The following MYH11 variants were observed in gnomAD, a reference collection of about 807,000 sequenced individuals.
MYH11 encodes the protein myosin-11.
Under a neutral mutation model 246.6 loss-of-function variants are expected in MYH11, and 80 were observed. That is an observed-to-expected ratio of 0.32 (90% confidence interval 0.27 to 0.39). The LOEUF (loss-of-function observed/expected upper bound fraction) is 0.39, where lower values mean the gene tolerates loss of function less well. MYH11 is among the 10% of genes least tolerant of loss of function. MYH11 has a pLI of 1.00. For synonymous variants in MYH11, 1,071 were observed against 1,015.5 expected (o/e 1.05, Z -1.04); for missense variants, 2,158 against 2,546.8 (o/e 0.85, Z 3.29).
At position 15,715,022 on chromosome 16, in the gene MYH11, C is replaced by G; in HGVS notation, c.5673G>C (p.Glu1891Asp). ...QLKRQLEEAE[E>D]ESQRINANRR... ...GGTTGGCGTTGATGCGCTGGGACTC[C>G]TCCTCTGCCTCCTCCAGCTGCCTCT... The change falls in exon 40 of 41, where the codon GAG (glutamate) becomes GAC (aspartate). Residue 1891 changes from glutamate (E) to aspartate (D), a missense_variant. Physicochemically the swap from Glu to Asp is conservative, Grantham distance 45. Coordinates refer to ENST00000300036, the MANE Select transcript of MYH11 (RefSeq NM_002474.3). 1 of 1,613,904 alleles carries G rather than the reference C, an allele frequency of 6.2e-7. No individual in the cohort carries two copies. Among genetic ancestry groups the G allele is most frequent in the South Asian group, 1.1e-5 (1 of 91,086 alleles).
chr16:15,776,011 T>C, intron 8 of MYH11, 67 bp downstream of exon 8: 1 of 1,202,806 alleles, frequency 8.3e-7, no homozygotes, highest in South Asian at 1.2e-5. Flanking sequence ...GCCAATCCCT[T>C]AACCCCGGAT....
intron 1 of MYH11, among the ~76,000 whole-genome samples, chr16:15,846,207 G>C (rs914905547): frequency 3.3e-5 from 5 of 152,016 alleles, no homozygotes; most frequent in Non-Finnish European, 7.4e-5. Context: ...GCCCATAAAG[G>C]AATCAATCCT....
intron 2 of MYH11, among the ~76,000 whole-genome samples, chr16:15,832,997 CTGT>C (rs1326553291): frequency 1.8e-5 from 2 of 113,348 alleles, no homozygotes; most frequent in African/African-American, 6.7e-5. Context: ...TAGTCTCACT[CTGT>C]CACCCAGGCT....
In MYH11 at chr16:15,724,944, C is replaced by A; in HGVS notation, c.3907G>T (p.Ala1303Ser). Residue 1303 changes from alanine (A) to serine (S), a missense_variant, in exon 29 of 41, where the codon GCC becomes TCC. Coordinates refer to ENST00000300036, the MANE Select transcript of MYH11 (RefSeq NM_002474.3). ...TGMLNEAEGK[A>S]IKLAKDVASL... ...GCCACGTCCTTGGCCAGCTTAATGG[C>A]CTTCCCCTCGGCCTCGTTAAGCATC... 1 of 1,614,146 alleles carries A rather than the reference C, an allele frequency of 6.2e-7. No individual in the cohort carries two copies. The highest frequency in any genetic ancestry group is 8.5e-7 in the Non-Finnish European group (1 of 1,180,030).
chr16:15,776,301 G>T, intron 7 of MYH11, 125 bp from the exon 8 acceptor site: 1 of 734,638 alleles, frequency 1.4e-6, no homozygotes, highest in Non-Finnish European at 2.5e-6. Context: ...GATCGGTAAT[G>T]TCTAACTTTG....
chr16:15,846,598 C>T (rs769064372), intron 1 of MYH11, among the ~76,000 whole-genome samples: 4 of 152,138 alleles, frequency 2.6e-5, no homozygotes, highest in Non-Finnish European at 5.9e-5. Flanking sequence ...CCTGTAATCC[C>T]AGCACTTTGA....
chr16:15,832,197 T>C (rs1024096677), intron 2 of MYH11, among the ~76,000 whole-genome samples: 3 of 152,124 alleles, frequency 2.0e-5, no homozygotes, highest in African/African-American at 7.2e-5. Context: ...CCCCTGGGCA[T>C]TCCAGAAGCA....
chr16:15,721,325 T>C (rs1012702832), intron 32 of MYH11, 97 bp downstream of exon 32: 17 of 1,382,906 alleles, frequency 1.2e-5, no homozygotes, highest in Non-Finnish European at 1.6e-5. Context: ...TAGTTCGCTA[T>C]GAAAAAGGCC....
intron 38 of MYH11, 72 bp downstream of exon 38, chr16:15,717,068 C>T: frequency 6.6e-7 from 1 of 1,516,152 alleles, no homozygotes; most frequent in Non-Finnish European, 9.2e-7. Context: ...GAAGAGGTTC[C>T]CTGACTTCAC....
rs142458525 is a variant in MYH11 at position 15,716,867 on chromosome 16, CAT to C, written c.5504+271_5504+272del. ...TATCCCTGCAGAGGCTGGGAAAAGTCATATGTACTGCTGGGAAGGCAGGTTAA... is the reference window on the plus strand; with the variant it reads ...TATCCCTGCAGAGGCTGGGAAAAGTCATGTACTGCTGGGAAGGCAGGTTAA... On this transcript the variant is annotated intron_variant, in intron 38 of 40. Transcript: ENST00000300036. Among the ~76,000 whole-genome samples, 667 of 152,310 alleles carry C rather than the reference CAT, an allele frequency of 4.4e-3. 1 individual carries two copies. The highest frequency in any genetic ancestry group is 0.014 in the African/African-American group (565 of 41,552).
Position 15,787,803 on chromosome 16 carries a change from C to T in MYH11, c.531-1071G>A, listed in dbSNP as rs972880206. ...AAGGATGTAAGTGCCTCTGGAGTAC[C>T]AGGACCTAAAGTTTAAGAAGCTCCC... On this transcript the variant is annotated intron_variant, in intron 4 of 40. Coordinates refer to ENST00000300036, the MANE Select transcript of MYH11 (RefSeq NM_002474.3). Among the ~76,000 whole-genome samples the T allele has an allele frequency of 2.0e-5, 3 of 152,020 alleles. No homozygotes were observed. In the East Asian group the frequency reaches 5.8e-4, roughly 29 times the overall value.
chr16:15,777,910 C>CTAGTCT (rs2042261085), intron 7 of MYH11, among the ~76,000 whole-genome samples: 1 of 152,124 alleles, frequency 6.6e-6, no homozygotes, highest in Non-Finnish European at 1.5e-5. Context: ...TAGACAAGTA[C>CTAGTCT]AGTGGAGAGG....
At chr16:15,737,215 G>A (rs1369436264) in intron 25 of MYH11, among the ~76,000 whole-genome samples, 1 of 152,198 alleles carries the variant, frequency 6.6e-6, no homozygotes, top group Non-Finnish European at 1.5e-5. Context: ...GGGAGTAGGT[G>A]AGATCAACTG....
At chr16:15,776,207 A>C in intron 7 of MYH11, 31 bp from the exon 8 acceptor site, 1 of 1,467,468 alleles carries the variant, frequency 6.8e-7, no homozygotes, top group Non-Finnish European at 9.6e-7. Context: ...GATTCTGGGG[A>C]TACTGCGGGT....
intron 36 of MYH11, 148 bp downstream of exon 36, chr16:15,719,072 G>T: frequency 1.3e-6 from 1 of 765,276 alleles, no homozygotes; most frequent in East Asian, 2.7e-5. Context: ...AGGTTGCAGT[G>T]AGCCAAGATT....
intron 38 of MYH11, among the ~76,000 whole-genome samples, chr16:15,715,958 C>A (rs1463395383): frequency 6.6e-6 from 1 of 152,020 alleles, no homozygotes; most frequent in Non-Finnish European, 1.5e-5. Context: ...AAACCCCATC[C>A]CTACTAAAAA....
chr16:15,824,439 A>C (rs1719988197), intron 2 of MYH11, among the ~76,000 whole-genome samples: 1 of 152,002 alleles, frequency 6.6e-6, no homozygotes, highest in Non-Finnish European at 1.5e-5. Flanking sequence ...AACCATGCCC[A>C]GGTAATTTTT....
At chr16:15,853,749 G>A (rs746378664) in intron 1 of MYH11, among the ~76,000 whole-genome samples, 1 of 152,248 alleles carries the variant, frequency 6.6e-6, no homozygotes, top group South Asian at 2.1e-4. Flanking sequence ...TAAGCCAGGC[G>A]CGGTGGCTCA....
rs564966927 is a variant in MYH11, at chr16:15,833,559, G to A, written c.345+4349C>T. ...TCTTCAGCAGTTTAGGTAGACTGCT[G>A]GACATTGCTGAGCCCAGAACCTGCA... On this transcript the variant is annotated intron_variant, in intron 2 of 40. Coordinates refer to ENST00000300036, the MANE Select transcript of MYH11 (RefSeq NM_002474.3). Among the ~76,000 whole-genome samples, 4 of 152,206 alleles carry A rather than the reference G, an allele frequency of 2.6e-5. No individual in the cohort carries two copies. In the South Asian group the frequency reaches 8.3e-4, roughly 32 times the overall value.
Sources: gnomAD v4.1 joint callset for allele counts (sites outside exome capture counted in the v4.1 genomes callset) on GRCh38, gnomAD v4.1.1 for gene constraint, MANE v1.5 for transcripts, NCBI Gene and HGNC (gene_info 2026-07-23, HGNC 2026-07-21) for gene names.